The following CRY2 variants were observed in gnomAD, a reference collection of about 807,000 sequenced individuals.
CRY2 encodes the protein cryptochrome circadian regulator 2, also known as cryptochrome-2.
A neutral mutation model predicts 69.5 loss-of-function variants in CRY2; 31 were observed. That is an observed-to-expected ratio of 0.45 (90% confidence interval 0.34 to 0.60). CRY2 has a LOEUF of 0.60. Among genes scored for constraint, CRY2 ranks in the 20% least tolerant of loss-of-function variants. The pLI is 0.02. For missense variants in CRY2, 606 were observed against 797.8 expected (o/e 0.76, Z 2.90); for synonymous variants, 303 against 312.2 (o/e 0.97, Z 0.31).
intron 11 of CRY2, among the ~76,000 whole-genome samples, chr11:45,877,232 C>G (rs2086430800): frequency 6.6e-6 from 1 of 152,220 alleles, no homozygotes; most frequent in Non-Finnish European, 1.5e-5. Context: ...CTGTACTTCC[C>G]TGACCCTCAC....
At chr11:45,864,574 G>GCAT in intron 5 of CRY2, among the ~76,000 whole-genome samples, 1 of 151,524 alleles carries the variant, frequency 6.6e-6, no homozygotes, top group Admixed American at 6.6e-5. Flanking sequence ...CTCCTGCCTG[G>GCAT]GTGACAGAGA....
chr11:45,854,204 T>C (rs1422199633), intron 1 of CRY2, among the ~76,000 whole-genome samples: 1 of 152,198 alleles, frequency 6.6e-6, no homozygotes, highest in Non-Finnish European at 1.5e-5. Flanking sequence ...AAGGGGTAGA[T>C]AGCAGGTGCC....
intron 1 of CRY2, among the ~76,000 whole-genome samples, chr11:45,851,652 T>G (rs2086199952): frequency 6.6e-6 from 1 of 152,176 alleles, no homozygotes. Context: ...ATTTTTAAAA[T>G]AATAAGAATT....
chr11:45,876,214 G>A (rs2086423286), intron 11 of CRY2, among the ~76,000 whole-genome samples: 1 of 151,962 alleles, frequency 6.6e-6, no homozygotes, highest in African/African-American at 2.4e-5. Context: ...GGCCTTTTGA[G>A]GTCTCCTTTA....
In CRY2 at chr11:45,862,149, G is replaced by T. The variant is rs1565059241; in HGVS notation, c.741+1G>T. ...CCTGGATAAGCACTTGGAACGGAAG[G>T]TATGGGCCGTTTCTGAGACACAGAG... is the stretch of plus-strand genomic sequence containing the variant. On this transcript the variant is annotated splice_donor_variant, in intron 5 of 11. Coordinates refer to ENST00000616080, the MANE Select transcript of CRY2 (RefSeq NM_021117.5). LOFTEE classifies it high-confidence loss of function. 1 of 1,612,600 alleles carries T rather than the reference G, an allele frequency of 6.2e-7. No individual in the cohort carries two copies. The highest frequency in any genetic ancestry group is 8.5e-7 in the Non-Finnish European group (1 of 1,179,496).
At position 45,882,594 on chromosome 11, in the gene CRY2, C is replaced by T. The variant is rs2086484298; in HGVS notation, c.*1683C>T. ...GAGTCCAACTGTTGTACGTATGTCA[C>T]CTTCACTAGAAATGTCCCATCATCG... is the stretch of plus-strand genomic sequence containing the variant. On this transcript the variant is annotated 3_prime_UTR_variant, in exon 12 of 12. Transcript: ENST00000616080. 2.5e-6 allele frequency: 1 copy of T among 399,010 alleles called. No individual in the cohort carries two copies. Among genetic ancestry groups the T allele is most frequent in the African/African-American group, 2.1e-5 (1 of 48,638 alleles). The allele number at this position is 399,010 out of a possible 1,614,324, so 24.7% of individuals were successfully genotyped here. A position where few individuals can be genotyped will look rare whatever the true frequency, so the allele number is the denominator to read the frequency against.
intron 5 of CRY2, among the ~76,000 whole-genome samples, chr11:45,866,422 C>G (rs565053857): frequency 1.4e-4 from 22 of 152,152 alleles, no homozygotes; most frequent in Non-Finnish European, 2.4e-4. Flanking sequence ...ACCAAGAGCG[C>G]CAGGCAGCTG....
intron 11 of CRY2, among the ~76,000 whole-genome samples, chr11:45,873,001 G>A (rs558277874): frequency 1.3e-5 from 2 of 152,162 alleles, no homozygotes; most frequent in East Asian, 3.9e-4. Flanking sequence ...CATCATCTTT[G>A]CCTTTTGCGG....
chr11:45,862,189 A>C, intron 5 of CRY2, 41 bp downstream of exon 5: 1 of 1,575,448 alleles, frequency 6.3e-7, no homozygotes, highest in Non-Finnish European at 8.7e-7. Context: ...AGATACTGAT[A>C]TCCACACAGC....
chr11:45,862,287 C>A (rs767452986), intron 5 of CRY2, 139 bp downstream of exon 5: 3 of 700,276 alleles, frequency 4.3e-6, no homozygotes, highest in Non-Finnish European at 7.0e-6. Flanking sequence ...TCCTGATGGC[C>A]ATAACAACAG....
intron 2 of CRY2, 70 bp from the exon 3 acceptor site, chr11:45,858,661 G>A: frequency 6.6e-7 from 1 of 1,506,770 alleles, no homozygotes; most frequent in Non-Finnish European, 9.0e-7. Context: ...CTCCCAGGAA[G>A]GAACTGAGAG....
In CRY2 at chr11:45,872,132, C is replaced by T. The variant is rs1401836772; in HGVS notation, c.1683C>T (p.Arg561=). ...PLPSGPASPK[R]KLEAAEEPPG... ...CCAGTGGCCCAGCATCCCCCAAACG[C>T]AAGCTGGAAGCAGCCGAGGAACCAC... Residue 561 remains arginine, a synonymous_variant, in exon 11 of 12, where the codon CGC becomes CGT. Transcript: ENST00000616080. The T allele has an allele frequency of 6.2e-7, 1 of 1,614,160 alleles. No individual in the cohort carries two copies. Among genetic ancestry groups the T allele is most frequent in the East Asian group, 2.2e-5 (1 of 44,878 alleles).
intron 4 of CRY2, 56 bp from the exon 5 acceptor site, chr11:45,862,004 C>T (rs191890860): frequency 1.1e-5 from 16 of 1,444,934 alleles, no homozygotes; most frequent in Admixed American, 5.3e-5. Flanking sequence ...ACAGCCGTGC[C>T]GGGCTATCAC....
At chr11:45,853,015 G>A (rs908705093) in intron 1 of CRY2, among the ~76,000 whole-genome samples, 20 of 152,198 alleles carry the variant, frequency 1.3e-4, no homozygotes, top group African/African-American at 4.8e-4. Flanking sequence ...TGAGCCCAGG[G>A]CAGCACAGCC....
intron 1 of CRY2, among the ~76,000 whole-genome samples, chr11:45,853,263 G>A (rs2086211745): frequency 6.6e-6 from 1 of 152,212 alleles, no homozygotes; most frequent in African/African-American, 2.4e-5. Flanking sequence ...AATAGTGCCT[G>A]TCATTGTAAA....
chr11:45,876,711 A>T (rs1332510703), intron 11 of CRY2, among the ~76,000 whole-genome samples: 1 of 152,232 alleles, frequency 6.6e-6, no homozygotes, highest in Non-Finnish European at 1.5e-5. Flanking sequence ...CTGACTGGGT[A>T]GATCATCGAG....
chr11:45,873,915 T>C (rs2086406062), intron 11 of CRY2, among the ~76,000 whole-genome samples: 2 of 152,202 alleles, frequency 1.3e-5, no homozygotes, highest in Admixed American at 1.3e-4. Context: ...TATGTGATCT[T>C]GTACAAATGA....
intron 1 of CRY2, among the ~76,000 whole-genome samples, chr11:45,855,601 C>T (rs993862982): frequency 6.6e-6 from 1 of 152,232 alleles, no homozygotes; most frequent in Non-Finnish European, 1.5e-5. Context: ...ACACTAGGAA[C>T]AGCTCACATT....
At chr11:45,847,234 T>G (rs1238795933), upstream of CRY2, 4 of 1,551,004 alleles carry the variant, frequency 2.6e-6, no homozygotes, top group African/African-American at 5.5e-5. Context: ...AGCCCCAGCC[T>G]GCGTCACTTG....
Sources: allele counts gnomAD v4.1 joint callset (sites outside exome capture counted in the v4.1 genomes callset), GRCh38; gene constraint gnomAD v4.1.1; transcripts MANE v1.5; gene names NCBI Gene and HGNC (gene_info 2026-07-23, HGNC 2026-07-21).